Variants in DHX35 observed in about 807,000 individuals in gnomAD.
DHX35 encodes the protein DEAH-box helicase 35.
DHX35 carries 84 observed loss-of-function variants against 99.6 expected under a neutral mutation model. The ratio of observed to expected loss-of-function variants is 0.84; its 90% CI spans 0.71 to 1.01. The LOEUF is 1.01. Among genes scored for constraint, DHX35 ranks in the 50% least tolerant of loss-of-function variants. DHX35 has a pLI of 0.00. For synonymous variants in DHX35, 331 were observed against 316.2 expected (o/e 1.05, Z -0.50); for missense variants, 852 against 888.5 (o/e 0.96, Z 0.52).
chr20:39,017,501 A>G (rs921125047), intron 14 of DHX35, among the ~76,000 whole-genome samples: 1 of 152,168 alleles, frequency 6.6e-6, no homozygotes, highest in Non-Finnish European at 1.5e-5. Flanking sequence ...GAAATTTAAG[A>G]TATTTCCTAT....
intron 20 of DHX35, among the ~76,000 whole-genome samples, chr20:39,031,365 G>A (rs1338424964): frequency 1.4e-5 from 2 of 141,168 alleles, no homozygotes; most frequent in East Asian, 4.2e-4. Context: ...ACAGAGTTTC[G>A]CTCTGTCGCC....
chr20:39,021,974 C>G (rs2086880088), intron 16 of DHX35, 39 bp downstream of exon 16: 1 of 1,603,310 alleles, frequency 6.2e-7, no homozygotes, highest in East Asian at 2.2e-5. Flanking sequence ...GTACCAGTCT[C>G]TTTTGCTTTG....
At chr20:38,962,477 C>T (rs2085846579) in intron 1 of DHX35, 70 bp downstream of exon 1, 35 of 1,567,210 alleles carry the variant, frequency 2.2e-5, no homozygotes, top group Admixed American at 5.5e-5. Flanking sequence ...CGGCCGGCGC[C>T]CTGGGGCCAG....
chr20:38,969,288 G>T (rs1389223458), intron 2 of DHX35, 74 bp downstream of exon 2: 2 of 1,477,004 alleles, frequency 1.4e-6, no homozygotes, highest in African/African-American at 2.8e-5. Flanking sequence ...CAGCACTGAA[G>T]GGAATGATGG....
At chr20:38,967,935 C>G (rs1264179407) in intron 1 of DHX35, among the ~76,000 whole-genome samples, 1 of 152,150 alleles carries the variant, frequency 6.6e-6, no homozygotes, top group African/African-American at 2.4e-5. Context: ...GAGCCTCCCC[C>G]ACCCCCCATT....
intron 3 of DHX35, among the ~76,000 whole-genome samples, 185 bp downstream of exon 3, chr20:38,972,836 G>A (rs2086023794): frequency 6.6e-6 from 1 of 152,146 alleles, no homozygotes; most frequent in Non-Finnish European, 1.5e-5. Context: ...TAAAGTAACA[G>A]TTTGTCTTCG....
chr20:38,970,960 T>TA (rs1471238871), intron 2 of DHX35, among the ~76,000 whole-genome samples: 2 of 152,086 alleles, frequency 1.3e-5, no homozygotes, highest in African/African-American at 4.8e-5. Flanking sequence ...GTTGAGATCT[T>TA]ATAAGATGTT....
At chr20:38,968,150 C>A (rs2085937192) in intron 1 of DHX35, among the ~76,000 whole-genome samples, 2 of 152,220 alleles carry the variant, frequency 1.3e-5, no homozygotes, top group South Asian at 4.1e-4. Flanking sequence ...TGGAGTGGGC[C>A]CTTGGTCCAT....
chr20:39,021,999 A>C, intron 16 of DHX35, 64 bp downstream of exon 16: 1 of 1,514,344 alleles, frequency 6.6e-7, no homozygotes, highest in Non-Finnish European at 9.2e-7. Flanking sequence ...TTCGTTGTCA[A>C]AACTGTACTC....
Position 39,023,693 on chromosome 20 carries a change from C to T in DHX35, c.1597C>T (p.Arg533Ter), listed in dbSNP as rs1438837325. The part of the protein sequence containing the change: ...VPPNQKSHAI[R>*]VHRKFAVEEG... ...AATGTTGCTTCATTCTTTCCAGATT[C>T]GAGTGCACCGTAAATTTGCTGTGGA... Residue 533 changes from arginine to a stop codon, truncating the protein, a stop_gained, in exon 17 of 22, where the codon CGA becomes TGA. Coordinates refer to ENST00000252011, the MANE Select transcript of DHX35 (RefSeq NM_021931.4). LOFTEE classifies it high-confidence loss of function. 5 of 1,613,698 alleles carry T rather than the reference C, an allele frequency of 3.1e-6. No homozygotes were observed. The highest frequency in any genetic ancestry group is 1.7e-5 in the Admixed American group (1 of 59,994).
rs2086680379 is a variant in DHX35 at position 39,010,263 on chromosome 20, T to G, written c.1223-17T>G. ...TGTGACATTTGGTCCCAAACAGTTC[T>G]GATTTCCTATCCTCAGAGGAAGCCT... On this transcript the variant is annotated splice_polypyrimidine_tract_variant and intron_variant, in intron 12 of 21. Transcript: ENST00000252011. 1 of 1,614,020 alleles carries G rather than the reference T, an allele frequency of 6.2e-7. No homozygotes were observed. Among genetic ancestry groups the G allele is most frequent in the African/African-American group, 1.3e-5 (1 of 74,942 alleles).
At chr20:38,984,104 G>C (rs1301794280) in intron 4 of DHX35, among the ~76,000 whole-genome samples, 3 of 151,914 alleles carry the variant, frequency 2.0e-5, no homozygotes, top group Non-Finnish European at 4.4e-5. Flanking sequence ...TAGAGACGGG[G>C]TTTCACCATG....
chr20:39,000,365 G>T (rs2086498801), intron 8 of DHX35, among the ~76,000 whole-genome samples: 1 of 152,164 alleles, frequency 6.6e-6, no homozygotes, highest in African/African-American at 2.4e-5. Context: ...TTGGGGCATG[G>T]GGTGTCTGTT....
At chr20:39,016,047 A>G (rs538204683) in intron 14 of DHX35, among the ~76,000 whole-genome samples, 1 of 152,284 alleles carries the variant, frequency 6.6e-6, no homozygotes, top group African/African-American at 2.4e-5. Context: ...TAATTTCTAA[A>G]GAGGTTTATT....
rs1024958998 is a variant in DHX35 at position 39,001,636 on chromosome 20, G to C, written c.643-94G>C. On this transcript the variant is annotated intron_variant, in intron 8 of 21. Coordinates refer to ENST00000252011, the MANE Select transcript of DHX35 (RefSeq NM_021931.4). The stretch of plus-strand genomic sequence containing the variant: ...ACATATATAATCTTGCTACTCACCT[G>C]TCTTTGGCAAGTTTTATATTATTTT... The C allele has an allele frequency of 2.5e-5, 24 of 943,642 alleles. No individual in the cohort carries two copies. The African/African-American group carries it at 3.0e-4, about 12-fold the overall frequency. 58.5% of individuals were successfully genotyped at this position (943,642 alleles called of 1,614,324 possible). A position where few individuals can be genotyped will look rare whatever the true frequency, so the allele number is the denominator to read the frequency against.
chr20:39,037,819 T>C (rs1425548488), intron 21 of DHX35, among the ~76,000 whole-genome samples: 1 of 152,224 alleles, frequency 6.6e-6, no homozygotes, highest in Non-Finnish European at 1.5e-5. Context: ...TTGGCTTTGC[T>C]TTAGAATGTA....
intron 2 of DHX35, among the ~76,000 whole-genome samples, chr20:38,971,751 T>A (rs1316473033): frequency 6.6e-6 from 1 of 152,176 alleles, no homozygotes; most frequent in African/African-American, 2.4e-5. Context: ...TCACTTCCTT[T>A]TCTTAACATA....
At chr20:39,018,059 T>C (rs1289014460) in intron 14 of DHX35, among the ~76,000 whole-genome samples, 4 of 152,110 alleles carry the variant, frequency 2.6e-5, no homozygotes, top group Admixed American at 6.5e-5. Flanking sequence ...AGCTATCAGA[T>C]CTTGTGAGAC....
intron 9 of DHX35, 48 bp downstream of exon 9, chr20:39,001,890 C>A: frequency 7.1e-7 from 1 of 1,411,244 alleles, no homozygotes; most frequent in Non-Finnish European, 1.0e-6. Flanking sequence ...AAAACTCAGC[C>A]TCTGATGTAG....
Sources: gnomAD v4.1 joint callset for allele counts (sites outside exome capture counted in the v4.1 genomes callset) on GRCh38, gnomAD v4.1.1 for gene constraint, MANE v1.5 for transcripts, NCBI Gene and HGNC (gene_info 2026-07-23, HGNC 2026-07-21) for gene names.